KCNH1: variants seen among roughly 807,000 people sequenced by gnomAD.
KCNH1 encodes potassium voltage-gated channel subfamily H member 1, also known as voltage-gated delayed rectifier potassium channel KCNH1.
A neutral mutation model predicts 69.2 loss-of-function variants in KCNH1; 27 were observed. That is an observed-to-expected ratio of 0.39 (90% CI 0.29 to 0.54). The LOEUF is 0.54. Ranked by LOEUF, KCNH1 falls within the 20% of genes least tolerant of loss-of-function variation. The pLI is 0.68. For missense variants in KCNH1, 798 were observed against 1,261.6 expected, an observed-to-expected ratio of 0.63 and a Z score of 5.57; for synonymous variants, 456 against 487.7, an observed-to-expected ratio of 0.93 and a Z score of 0.86.
intron 10 of KCNH1, 99 bp downstream of exon 10, chr1:210,775,249 T>C: frequency 5.0e-6 from 5 of 990,378 alleles, no homozygotes; most frequent in Non-Finnish European, 7.5e-6. Flanking sequence ...CCAATTACTC[T>C]ACTTAAATAA....
intron 6 of KCNH1, among the ~76,000 whole-genome samples, chr1:211,015,200 C>A (rs1296115335): frequency 1.3e-5 from 2 of 152,190 alleles, no homozygotes; most frequent in African/African-American, 4.8e-5. Context: ...TCCAACTTCT[C>A]TACCACATTC....
In KCNH1 at chr1:211,035,236, C is replaced by CTTTTTTTT. The variant is rs765170558; in HGVS notation, c.559-15988_559-15981dup. Among the ~76,000 whole-genome samples the CTTTTTTTT allele has an allele frequency of 2.5e-4, 19 of 75,056 alleles. 1 individual carries two copies. Among genetic ancestry groups the CTTTTTTTT allele is most frequent in the African/African-American group, 7.9e-4 (14 of 17,682 alleles). 49.2% of individuals were successfully genotyped at this position (75,056 alleles called of 152,430 possible). A position where few individuals can be genotyped will look rare whatever the true frequency, so the allele number is the denominator to read the frequency against. On this transcript the variant is annotated intron_variant, in intron 5 of 10. Transcript: ENST00000271751. ...ATTTAAACCATAGGGTACTGGCATT[C>CTTTTTTTT]TTTTTTTTTTTTTTTTTTTTTTTTT... is the stretch of plus-strand genomic sequence containing the variant.
intron 7 of KCNH1, among the ~76,000 whole-genome samples, chr1:210,909,679 T>C (rs560220558): frequency 2.4e-4 from 36 of 152,364 alleles, no homozygotes; most frequent in African/African-American, 8.7e-4. Context: ...ATGGAAGTTT[T>C]TCTCCTGACC....
intron 1 of KCNH1, among the ~76,000 whole-genome samples, chr1:211,112,790 A>T (rs6668674): frequency 0.23 from 35,554 of 152,078 alleles, 4,856 homozygotes; most frequent in African/African-American, 0.37. Context: ...TTCTAGTCCC[A>T]GCCACAAAGC....
At chr1:210,750,330 TAC>T (rs1683255500) in intron 10 of KCNH1, among the ~76,000 whole-genome samples, 1 of 152,214 alleles carries the variant, frequency 6.6e-6, no homozygotes, top group Non-Finnish European at 1.5e-5. Flanking sequence ...TTGTGTCCTG[TAC>T]ACACACGAGG....
intron 10 of KCNH1, among the ~76,000 whole-genome samples, chr1:210,736,864 A>G (rs1205377464): frequency 6.6e-6 from 1 of 152,162 alleles, no homozygotes; most frequent in African/African-American, 2.4e-5. Context: ...TCTGCACAGC[A>G]TGAGCAACTG....
chr1:210,861,083 G>T, intron 7 of KCNH1: 1 of 900,298 alleles, frequency 1.1e-6, no homozygotes. Flanking sequence ...ACTATGGGCT[G>T]TAAACAAAAG....
chr1:211,099,640 G>T (rs1001166747), intron 3 of KCNH1, among the ~76,000 whole-genome samples: 1 of 152,010 alleles, frequency 6.6e-6, no homozygotes, highest in Non-Finnish European at 1.5e-5. Context: ...ATCACATGTT[G>T]TTTCTCTCCT....
At chr1:210,998,736 A>T (rs56919772) in intron 6 of KCNH1, among the ~76,000 whole-genome samples, 14,826 of 152,080 alleles carry the variant, frequency 0.097, 2,072 homozygotes, top group African/African-American at 0.31. Flanking sequence ...AACACACCTA[A>T]TCCAAAATTG....
chr1:211,073,888 C>T (rs1261956313), intron 5 of KCNH1, among the ~76,000 whole-genome samples: 1 of 151,350 alleles, frequency 6.6e-6, no homozygotes, highest in Non-Finnish European at 1.5e-5. Flanking sequence ...AACAAAAAGT[C>T]AATAGAAAAA....
At position 210,751,653 on chromosome 1, in the gene KCNH1, G is replaced by C. The variant is rs539786164; in HGVS notation, c.2112+23695C>G. ...GGGTGCCTGCTGCTGAGAGGTAGGA[G>C]AAGAGGGGGGCTGAAAATGTGAGGG... On this transcript the variant is annotated intron_variant, in intron 10 of 10. Transcript: ENST00000271751. Among the ~76,000 whole-genome samples the C allele has an allele frequency of 6.7e-4, 102 of 152,226 alleles. 1 individual carries two copies. Among genetic ancestry groups the C allele is most frequent in the African/African-American group, 2.2e-3 (93 of 41,552 alleles).
chr1:211,055,186 G>T (rs1690282479), intron 5 of KCNH1, among the ~76,000 whole-genome samples: 1 of 152,200 alleles, frequency 6.6e-6, no homozygotes, highest in Non-Finnish European at 1.5e-5. Flanking sequence ...GCTGTAAATT[G>T]CCTATACCAC....
intron 7 of KCNH1, among the ~76,000 whole-genome samples, chr1:210,821,802 CTATTTATTTATT>C (rs71767944): frequency 0.2 from 28,508 of 142,398 alleles, 3,096 homozygotes; most frequent in East Asian, 0.36. Flanking sequence ...TTAACTCCAG[CTATTTATTTATT>C]TATTTATTTA....
intron 6 of KCNH1, among the ~76,000 whole-genome samples, chr1:210,960,013 G>A (rs989289328): frequency 6.6e-6 from 1 of 152,170 alleles, no homozygotes; most frequent in Non-Finnish European, 1.5e-5. Context: ...ACTGCAGACT[G>A]GAGCTGTTCC....
At chr1:210,805,136 G>A (rs1486469881) in intron 7 of KCNH1, among the ~76,000 whole-genome samples, 1 of 152,078 alleles carries the variant, frequency 6.6e-6, no homozygotes, top group African/African-American at 2.4e-5. Flanking sequence ...ACACCATTTT[G>A]CAATCACGTG....
chr1:211,002,101 T>C (rs911469274), intron 6 of KCNH1, among the ~76,000 whole-genome samples: 1 of 151,996 alleles, frequency 6.6e-6, no homozygotes, highest in African/African-American at 2.4e-5. Flanking sequence ...ACATGGCACA[T>C]GTACACGTAT....
At chr1:210,766,329 C>A (rs1434805201) in intron 10 of KCNH1, among the ~76,000 whole-genome samples, 1 of 152,146 alleles carries the variant, frequency 6.6e-6, no homozygotes, top group African/African-American at 2.4e-5. Flanking sequence ...AGTTTGAGAC[C>A]GGCCTGGCCA....
chr1:211,054,235 T>C (rs181895695), intron 5 of KCNH1, among the ~76,000 whole-genome samples: 2 of 152,010 alleles, frequency 1.3e-5, no homozygotes, highest in African/African-American at 2.4e-5. Flanking sequence ...TGAGCCAAGA[T>C]GGCGTCCCTG....
intron 10 of KCNH1, among the ~76,000 whole-genome samples, chr1:210,708,677 G>C (rs746978712): frequency 1.3e-5 from 2 of 152,076 alleles, no homozygotes; most frequent in Non-Finnish European, 2.9e-5. Context: ...TACTGAGCCT[G>C]CAGTCGGAAA....
Sources: allele counts gnomAD v4.1 joint callset (sites outside exome capture counted in the v4.1 genomes callset), GRCh38; gene constraint gnomAD v4.1.1; transcripts MANE v1.5; gene names NCBI Gene and HGNC (gene_info 2026-07-23, HGNC 2026-07-21).